The following TEX9 variants were observed in gnomAD, a reference collection of about 807,000 sequenced individuals.
TEX9 encodes testis expressed 9.
A neutral mutation model predicts 59.6 loss-of-function variants in TEX9; 74 were observed. The ratio of observed to expected loss-of-function variants is 1.24; its 90% CI spans 1.03 to 1.51. The LOEUF is 1.51. TEX9 is among the 40% of genes most tolerant of loss of function. The pLI, the probability that TEX9 is intolerant of heterozygous loss-of-function variation, is 0.00. For synonymous variants in TEX9, 186 were observed against 152.2 expected, an observed-to-expected ratio of 1.22 and a Z score of -1.64; for missense variants, 522 against 447.8, an observed-to-expected ratio of 1.17 and a Z score of -1.49.
chr15:56,338,840 C>A (rs1330004213), intron 1 of TEX9, among the ~76,000 whole-genome samples: 1 of 152,020 alleles, frequency 6.6e-6, no homozygotes, highest in East Asian at 1.9e-4. Context: ...ATCACTTGAA[C>A]CTGGGAGGCA....
At position 56,307,154 on chromosome 15, in the gene TEX9, C is replaced by G. The variant is rs567145723; in HGVS notation, c.-107+62876C>G. Among the ~76,000 whole-genome samples, 4 of 152,270 alleles carry G rather than the reference C, an allele frequency of 2.6e-5. No individual in the cohort carries two copies. In the South Asian group the frequency reaches 8.3e-4, roughly 32 times the overall value. On this transcript the variant is annotated intron_variant, in intron 1 of 5. Coordinates refer to the TEX9 transcript ENST00000560827. ...TGCCCTAGCTTTCTAAGAAATCAAG[C>G]TGGCAGCCTAATGAAACTCAGAAAG...
chr15:56,359,822 T>C (rs2046758610), intron 1 of TEX9, among the ~76,000 whole-genome samples: 1 of 152,174 alleles, frequency 6.6e-6, no homozygotes. Flanking sequence ...ATGTTTGTGT[T>C]GTTCCTGATC....
At chr15:56,400,143 T>C (rs1224288368) in intron 9 of TEX9, among the ~76,000 whole-genome samples, 4 of 152,194 alleles carry the variant, frequency 2.6e-5, no homozygotes, top group African/African-American at 9.7e-5. Context: ...ACCGACGAGT[T>C]GACAGAAGTA....
chr15:56,257,625 C>CA (rs1387160376), intron 1 of TEX9, among the ~76,000 whole-genome samples: 2 of 152,026 alleles, frequency 1.3e-5, no homozygotes, highest in Non-Finnish European at 2.9e-5. Flanking sequence ...GTCCTTTGCC[C>CA]ACTTTTTAAT....
At chr15:56,317,116 T>C (rs1385592157) in intron 1 of TEX9, among the ~76,000 whole-genome samples, 1 of 152,212 alleles carries the variant, frequency 6.6e-6, no homozygotes, top group Non-Finnish European at 1.5e-5. Context: ...GTCTTCTGCG[T>C]CGCTCACGCT....
intron 12 of TEX9, chr15:56,443,393 C>T (rs2050851610): frequency 7.0e-7 from 1 of 1,425,656 alleles, no homozygotes. Flanking sequence ...TTATATTCTT[C>T]TCTACATTAA....
intron 1 of TEX9, among the ~76,000 whole-genome samples, chr15:56,259,039 A>G (rs935127425): frequency 6.6e-6 from 1 of 151,948 alleles, no homozygotes; most frequent in Admixed American, 6.6e-5. Context: ...TTCAATAAAC[A>G]TAACCTCAGA....
chr15:56,401,085 A>T (rs1250367517), intron 9 of TEX9, among the ~76,000 whole-genome samples: 3 of 152,186 alleles, frequency 2.0e-5, no homozygotes, highest in Admixed American at 1.3e-4. Flanking sequence ...AATGGGCAAA[A>T]TAACCAGCTA....
intron 2 of TEX9, among the ~76,000 whole-genome samples, chr15:56,367,895 C>T (rs1449623216): frequency 6.6e-6 from 1 of 152,094 alleles, no homozygotes; most frequent in Non-Finnish European, 1.5e-5. Flanking sequence ...ATCTTCAGTC[C>T]TGCTGAACTC....
At chr15:56,330,214 C>T (rs1321746779) in intron 1 of TEX9, among the ~76,000 whole-genome samples, 2 of 152,124 alleles carry the variant, frequency 1.3e-5, no homozygotes, top group African/African-American at 4.8e-5. Context: ...GAAATAAACA[C>T]TTTCCCTGAC....
chr15:56,320,169 G>C (rs1450414067), intron 1 of TEX9, among the ~76,000 whole-genome samples: 2 of 152,092 alleles, frequency 1.3e-5, no homozygotes, highest in Admixed American at 6.5e-5. Flanking sequence ...GTATTTAGGT[G>C]CTCACTTCCA....
intron 1 of TEX9, among the ~76,000 whole-genome samples, chr15:56,327,622 CTG>C (rs2046047296): frequency 1.3e-5 from 2 of 152,204 alleles, no homozygotes; most frequent in African/African-American, 4.8e-5. Context: ...CAATCTCGAA[CTG>C]CCAACACCAC....
intron 1 of TEX9, among the ~76,000 whole-genome samples, chr15:56,293,349 G>A (rs1238230661): frequency 6.6e-6 from 1 of 151,930 alleles, no homozygotes; most frequent in African/African-American, 2.4e-5. Context: ...GCACAAAAAA[G>A]ACAGTCCCTT....
chr15:56,349,709 A>G (rs1341901056), intron 1 of TEX9, among the ~76,000 whole-genome samples: 3 of 152,090 alleles, frequency 2.0e-5, no homozygotes, highest in Non-Finnish European at 2.9e-5. Flanking sequence ...ACACACGTGT[A>G]TATGTATATA....
chr15:56,417,947 CT>C (rs1224644325), intron 10 of TEX9, among the ~76,000 whole-genome samples: 1 of 151,792 alleles, frequency 6.6e-6, no homozygotes, highest in Non-Finnish European at 1.5e-5. Context: ...CTTTCTTTGT[CT>C]TTTTTGATCT....
chr15:56,350,703 T>C (rs560556879), intron 1 of TEX9, among the ~76,000 whole-genome samples: 1 of 152,334 alleles, frequency 6.6e-6, no homozygotes, highest in Admixed American at 6.5e-5. Context: ...TACTTTTTTT[T>C]ATTCATTTCG....
At chr15:56,318,641 T>G (rs139563525) in intron 1 of TEX9, among the ~76,000 whole-genome samples, 256 of 152,256 alleles carry the variant, frequency 1.7e-3, no homozygotes, top group African/African-American at 6.0e-3. Context: ...AAATAAATAT[T>G]ATCTAGCATA....
intron 10 of TEX9, among the ~76,000 whole-genome samples, chr15:56,417,325 G>A (rs1373512534): frequency 6.6e-6 from 1 of 151,836 alleles, no homozygotes; most frequent in African/African-American, 2.4e-5. Context: ...ACTTTTTGAT[G>A]TGGGCGTTTA....
At chr15:56,434,761 A>C (rs1489928054) in intron 12 of TEX9, among the ~76,000 whole-genome samples, 2 of 152,132 alleles carry the variant, frequency 1.3e-5, no homozygotes, top group African/African-American at 4.8e-5. Flanking sequence ...TCTTGCTTAC[A>C]AAAGCTGTCC....
Sources: gnomAD v4.1 joint callset for allele counts (sites outside exome capture counted in the v4.1 genomes callset) on GRCh38, gnomAD v4.1.1 for gene constraint, MANE v1.5 for transcripts, NCBI Gene and HGNC (gene_info 2026-07-23, HGNC 2026-07-21) for gene names.